GRIP1: variants seen among roughly 807,000 people sequenced by gnomAD.
GRIP1 encodes glutamate receptor-interacting protein 1.
A neutral mutation model predicts 129.9 loss-of-function variants in GRIP1; 45 were observed. The ratio of observed to expected loss-of-function variants is 0.35; its 90% CI spans 0.27 to 0.44. GRIP1 has a LOEUF of 0.44. GRIP1 is among the 20% of genes least tolerant of loss of function. The probability of loss-of-function intolerance (pLI) is 1.00; values close to 1 mark genes in which losing one functional copy is unlikely to be tolerated. For synonymous variants in GRIP1, 530 were observed against 520.8 expected, an observed-to-expected ratio of 1.02 and a Z score of -0.24; for missense variants, 1,196 against 1,396.8, an observed-to-expected ratio of 0.86 and a Z score of 2.29.
chr12:67,024,758 A>G lies in GRIP1; in HGVS notation c.58+44292T>C, dbSNP rs560707727. On this transcript the variant is annotated intron_variant, in intron 1 of 1. Coordinates refer to the GRIP1 transcript ENST00000643019. The stretch of plus-strand genomic sequence containing the variant: ...TACTCTTCCATATTTAATTTTATTT[A>G]ATTCCTGGTACAATGACAAAAAAAA... 4.1e-4 allele frequency among the ~76,000 whole-genome samples: 62 copies of G among 150,794 alleles called. 1 individual carries two copies. In the South Asian group the frequency reaches 0.013, roughly 32 times the overall value.
intron 1 of GRIP1, among the ~76,000 whole-genome samples, chr12:66,774,865 G>A (rs965616213): frequency 2.0e-5 from 3 of 152,110 alleles, no homozygotes; most frequent in African/African-American, 7.2e-5. Context: ...AGTATTCAAA[G>A]TTCTGAACAG....
intron 13 of GRIP1, among the ~76,000 whole-genome samples, chr12:66,441,712 T>G (rs895879613): frequency 1.3e-5 from 2 of 152,230 alleles, no homozygotes; most frequent in African/African-American, 2.4e-5. Flanking sequence ...AACTGTCATT[T>G]GAATTAAGGA....
At chr12:66,690,406 C>A (rs2034939176) in intron 1 of GRIP1, among the ~76,000 whole-genome samples, 1 of 151,416 alleles carries the variant, frequency 6.6e-6, no homozygotes, top group Non-Finnish European at 1.5e-5. Context: ...ACCACATACA[C>A]CATATTTTCT....
intron 1 of GRIP1, among the ~76,000 whole-genome samples, chr12:66,686,882 C>A (rs2034805060): frequency 6.6e-6 from 1 of 152,044 alleles, no homozygotes; most frequent in African/African-American, 2.4e-5. Context: ...TATAGTGAGA[C>A]CTTGTCTCTA....
chr12:66,962,176 A>G (rs572691618), intron 1 of GRIP1, among the ~76,000 whole-genome samples: 4 of 152,324 alleles, frequency 2.6e-5, no homozygotes, highest in Non-Finnish European at 5.9e-5. Context: ...GCCCAAGCTA[A>G]CAGTTTTAAA....
At chr12:66,444,850 A>G in intron 12 of GRIP1, 121 bp from the exon 13 acceptor site, 2 of 970,482 alleles carry the variant, frequency 2.1e-6, no homozygotes, top group African/African-American at 1.6e-5. Flanking sequence ...TGCTTATTCA[A>G]TGCTGTGGGC....
intron 2 of GRIP1, among the ~76,000 whole-genome samples, chr12:66,583,032 C>G (rs1440750202): frequency 1.3e-5 from 2 of 151,112 alleles, no homozygotes; most frequent in African/African-American, 4.8e-5. Flanking sequence ...GTAACCAAAA[C>G]AGCATGGTAC....
chr12:66,386,954 A>G (rs889708153), intron 19 of GRIP1, among the ~76,000 whole-genome samples: 11 of 152,258 alleles, frequency 7.2e-5, no homozygotes, highest in African/African-American at 2.7e-4. Context: ...GTAATGATAA[A>G]TAACAGAATG....
intron 1 of GRIP1, among the ~76,000 whole-genome samples, chr12:66,991,111 A>C (rs527322362): frequency 1.3e-5 from 2 of 152,168 alleles, no homozygotes; most frequent in East Asian, 1.9e-4. Flanking sequence ...TCTCTACTAA[A>C]AATACAAAAA....
At chr12:66,984,758 A>G (rs537420963) in intron 1 of GRIP1, among the ~76,000 whole-genome samples, 9 of 152,284 alleles carry the variant, frequency 5.9e-5, no homozygotes, top group African/African-American at 1.9e-4. Context: ...TAGTGTGCTC[A>G]GTCAAAGTAA....
At chr12:66,351,039 T>C (rs1565655121) in intron 24 of GRIP1, among the ~76,000 whole-genome samples, 2 of 152,340 alleles carry the variant, frequency 1.3e-5, no homozygotes. Flanking sequence ...TTGTCCATAG[T>C]TATTCATTCA....
intron 1 of GRIP1, among the ~76,000 whole-genome samples, chr12:66,949,067 C>T (rs1028917614): frequency 6.6e-6 from 1 of 152,094 alleles, no homozygotes; most frequent in African/African-American, 2.4e-5. Context: ...CCATTATTTC[C>T]CATTTTTCCT....
At chr12:66,527,580 C>G (rs190721065) in intron 5 of GRIP1, among the ~76,000 whole-genome samples, 1 of 151,910 alleles carries the variant, frequency 6.6e-6, no homozygotes, top group East Asian at 1.9e-4. Flanking sequence ...TGCTAAATGA[C>G]AAGTTAATGG....
intron 7 of GRIP1, among the ~76,000 whole-genome samples, chr12:66,510,757 T>C (rs916624947): frequency 6.6e-6 from 1 of 152,148 alleles, no homozygotes; most frequent in Non-Finnish European, 1.5e-5. Flanking sequence ...GGTATTGATA[T>C]CTATATTGTA....
chr12:66,965,549 TTGTGTGTGTGTGTGTGTGTG>T (rs368637185), intron 1 of GRIP1, among the ~76,000 whole-genome samples: 21 of 128,340 alleles, frequency 1.6e-4, no homozygotes, highest in South Asian at 9.0e-4. Flanking sequence ...AAAAGAAACA[TTGTGTGTGTGTGTGTGTGTG>T]TGTGTGTGTG....
chr12:67,060,334 G>A (rs2043510440), intron 1 of GRIP1, among the ~76,000 whole-genome samples: 1 of 152,100 alleles, frequency 6.6e-6, no homozygotes, highest in Non-Finnish European at 1.5e-5. Context: ...ACTGCAAGAG[G>A]GAATTTAGTT....
At chr12:66,645,548 C>T (rs1282986097) in intron 1 of GRIP1, among the ~76,000 whole-genome samples, 1 of 152,138 alleles carries the variant, frequency 6.6e-6, no homozygotes, top group Non-Finnish European at 1.5e-5. Flanking sequence ...GCTTTAGATT[C>T]CAAAGCCAGA....
intron 1 of GRIP1, among the ~76,000 whole-genome samples, chr12:66,992,764 T>C (rs190778077): frequency 4.6e-5 from 7 of 152,192 alleles, no homozygotes; most frequent in Admixed American, 3.9e-4. Context: ...AGAAAGAAAT[T>C]TGGGAAATTC....
At chr12:66,560,170 A>T (rs997492172) in intron 2 of GRIP1, among the ~76,000 whole-genome samples, 4 of 152,192 alleles carry the variant, frequency 2.6e-5, no homozygotes. Flanking sequence ...AAATCAAATC[A>T]AAGTGGATTA....
Sources: gnomAD v4.1 joint callset for allele counts (sites outside exome capture counted in the v4.1 genomes callset) on GRCh38, gnomAD v4.1.1 for gene constraint, MANE v1.5 for transcripts, NCBI Gene and HGNC (gene_info 2026-07-23, HGNC 2026-07-21) for gene names.